The following TRPS1 variants were observed in gnomAD, a reference collection of about 807,000 sequenced individuals.
TRPS1 encodes transcriptional repressor GATA binding 1.
Under a neutral mutation model 101.2 loss-of-function variants are expected in TRPS1, and 6 were observed. The ratio of observed to expected loss-of-function variants is 0.06; its 90% confidence interval spans 0.03 to 0.12. TRPS1 has a LOEUF of 0.12. Ranked by LOEUF, TRPS1 falls within the 10% of genes least tolerant of loss-of-function variation. The pLI is 1.00. For missense variants in TRPS1, 1,363 were observed against 1,567.0 expected, an observed-to-expected ratio of 0.87 and a Z score of 2.20; for synonymous variants, 578 against 589.8, an observed-to-expected ratio of 0.98 and a Z score of 0.29.
At position 115,446,314 on chromosome 8, in the gene TRPS1, AT is replaced by A. The variant is rs1008315164; in HGVS notation, c.2701-27863del. On this transcript the variant is annotated intron_variant, in intron 5 of 6. Coordinates refer to ENST00000395715, the MANE Select transcript of TRPS1 (RefSeq NM_014112.5). ...TCTTCGCTTCCACCATCAAAAAAAT[AT>A]TTTTTTTTCCTGTCAGACAAAAAAA... 8.0e-4 allele frequency among the ~76,000 whole-genome samples: 111 copies of A among 138,664 alleles called. 1 individual carries two copies. Among genetic ancestry groups the A allele is most frequent in the African/African-American group, 2.6e-3 (99 of 37,408 alleles). 91.0% of individuals were successfully genotyped at this position (138,664 alleles called of 152,430 possible). A position where few individuals can be genotyped will look rare whatever the true frequency, so the allele number is the denominator to read the frequency against.
At chr8:115,485,958 T>C (rs780412196) in intron 5 of TRPS1, among the ~76,000 whole-genome samples, 6 of 152,194 alleles carry the variant, frequency 3.9e-5, no homozygotes, top group African/African-American at 1.4e-4. Context: ...GAAAACTCCA[T>C]AAAATTATGC....
Position 115,444,797 on chromosome 8 carries a change from T to G in TRPS1, c.2701-26345A>C, listed in dbSNP as rs112247909. 7.1e-3 allele frequency among the ~76,000 whole-genome samples: 1,086 copies of G among 152,276 alleles called. 12 individuals carry two copies. Among genetic ancestry groups the G allele is most frequent in the African/African-American group, 0.022 (907 of 41,552 alleles). ...TCAGTGTGACTCCACCATCCTGAAA[T>G]TGGCACCAACTTCCTCCACCATATC... On this transcript the variant is annotated intron_variant, in intron 5 of 6. Transcript: ENST00000395715.
rs555131076 is a variant in TRPS1, at chr8:115,608,697, A to G, written c.967-3695T>C. Among the ~76,000 whole-genome samples the G allele has an allele frequency of 3.3e-5, 5 of 151,714 alleles. No homozygotes were observed. The South Asian group carries it at 8.3e-4, about 25-fold the overall frequency. On this transcript the variant is annotated intron_variant, in intron 3 of 6. Coordinates refer to ENST00000395715, the MANE Select transcript of TRPS1 (RefSeq NM_014112.5). Reference sequence around the variant, plus strand: ...CCAATAGTACTTCCTGAGATGATAAAAATGTTCCATAGCCTTCCTTGGCCA... The same window carrying G: ...CCAATAGTACTTCCTGAGATGATAAGAATGTTCCATAGCCTTCCTTGGCCA...
At chr8:115,665,449 C>T (rs1167146153) in intron 1 of TRPS1, among the ~76,000 whole-genome samples, 4 of 152,112 alleles carry the variant, frequency 2.6e-5, no homozygotes, top group African/African-American at 9.7e-5. Context: ...CAGATGCATG[C>T]ATTTCCCTGT....
chr8:115,558,863 T>TA (rs1373504536), intron 5 of TRPS1, among the ~76,000 whole-genome samples: 3 of 152,162 alleles, frequency 2.0e-5, no homozygotes, highest in African/African-American at 7.2e-5. Context: ...TTTGGAATGC[T>TA]AATGTGGTAT....
intron 4 of TRPS1, among the ~76,000 whole-genome samples, chr8:115,588,675 G>A (rs528597065): frequency 1.3e-5 from 2 of 152,262 alleles, no homozygotes; most frequent in Admixed American, 6.5e-5. Context: ...ACTGTGTATG[G>A]CTGTCTAAAT....
chr8:115,456,095 G>T (rs1814016826), intron 5 of TRPS1, among the ~76,000 whole-genome samples: 1 of 151,918 alleles, frequency 6.6e-6, no homozygotes, highest in Admixed American at 6.6e-5. Flanking sequence ...GCCTGGCCAT[G>T]GCTTCTTTCT....
chr8:115,662,540 C>G (rs904498084), intron 1 of TRPS1, among the ~76,000 whole-genome samples: 9 of 152,114 alleles, frequency 5.9e-5, no homozygotes, highest in African/African-American at 1.9e-4. Flanking sequence ...GAAGAGAACA[C>G]TAGCACAAAT....
intron 1 of TRPS1, chr8:115,668,260 T>C (rs1395884903): frequency 1.9e-5 from 4 of 212,116 alleles, no homozygotes; most frequent in Non-Finnish European, 3.6e-5. Flanking sequence ...AAGAAAGAAA[T>C]CACACGCTCA....
chr8:115,591,988 T>A (rs1213913569), intron 4 of TRPS1, among the ~76,000 whole-genome samples: 1 of 152,168 alleles, frequency 6.6e-6, no homozygotes, highest in Non-Finnish European at 1.5e-5. Context: ...AGAACAATGT[T>A]ATATTTTTCT....
chr8:115,598,496 T>TA (rs1185475446), intron 4 of TRPS1, among the ~76,000 whole-genome samples: 2 of 152,122 alleles, frequency 1.3e-5, no homozygotes, highest in African/African-American at 2.4e-5. Flanking sequence ...TTGTTTTTTT[T>TA]AGAGACGAGA....
At chr8:115,489,036 T>C (rs1814957432) in intron 5 of TRPS1, among the ~76,000 whole-genome samples, 1 of 152,188 alleles carries the variant, frequency 6.6e-6, no homozygotes, top group Admixed American at 6.5e-5. Flanking sequence ...TCCATTATAA[T>C]AACACCTTTT....
chr8:115,446,735 G>A (rs1454683264), intron 5 of TRPS1, among the ~76,000 whole-genome samples: 1 of 152,086 alleles, frequency 6.6e-6, no homozygotes, highest in Non-Finnish European at 1.5e-5. Context: ...CATGAACCCA[G>A]AAAAGTTATG....
intron 4 of TRPS1, among the ~76,000 whole-genome samples, chr8:115,597,937 A>G (rs1003912079): frequency 3.9e-5 from 6 of 152,186 alleles, no homozygotes. Flanking sequence ...CCAGAGACTT[A>G]TGTTTCAGGT....
intron 5 of TRPS1, among the ~76,000 whole-genome samples, chr8:115,551,455 A>G (rs1816702413): frequency 6.6e-6 from 1 of 152,182 alleles, no homozygotes; most frequent in Admixed American, 6.5e-5. Context: ...TGTATACTGT[A>G]TGTGGTTTAG....
At chr8:115,546,419 T>C (rs1816574261) in intron 5 of TRPS1, among the ~76,000 whole-genome samples, 2 of 152,114 alleles carry the variant, frequency 1.3e-5, no homozygotes, top group African/African-American at 4.8e-5. Context: ...ATACTATTTG[T>C]TTTTAATTTC....
chr8:115,532,244 ATTT>A (rs35571991), intron 5 of TRPS1, among the ~76,000 whole-genome samples: 1 of 149,584 alleles, frequency 6.7e-6, no homozygotes, highest in African/African-American at 2.4e-5. Context: ...ATCAGAGCGC[ATTT>A]TTTTTTTTTT....
chr8:115,623,367 T>C (rs1451691791), intron 2 of TRPS1, among the ~76,000 whole-genome samples: 1 of 152,086 alleles, frequency 6.6e-6, no homozygotes, highest in African/African-American at 2.4e-5. Flanking sequence ...GAAATAATTT[T>C]ACTGGAATTA....
At chr8:115,589,288 G>A (rs1227346736) in intron 4 of TRPS1, among the ~76,000 whole-genome samples, 1 of 152,126 alleles carries the variant, frequency 6.6e-6, no homozygotes, top group Non-Finnish European at 1.5e-5. Flanking sequence ...GGGAGTAGGT[G>A]CTCAAATGCA....
Sources: gnomAD v4.1 joint callset for allele counts (sites outside exome capture counted in the v4.1 genomes callset) on GRCh38, gnomAD v4.1.1 for gene constraint, MANE v1.5 for transcripts, NCBI Gene and HGNC (gene_info 2026-07-23, HGNC 2026-07-21) for gene names.